The following CDH23 variants were observed in gnomAD, a reference collection of about 807,000 sequenced individuals.
The protein encoded by CDH23 is cadherin related 23.
In CDH23, 189 loss-of-function variants were observed where a neutral mutation model predicts 317.1. The ratio of observed to expected loss-of-function variants is 0.60; its 90% CI spans 0.53 to 0.67. The LOEUF (loss-of-function observed/expected upper bound fraction) is 0.67, where lower values mean the gene tolerates loss of function less well. Ranked by LOEUF, CDH23 falls within the 30% of genes least tolerant of loss-of-function variation. The probability of loss-of-function intolerance (pLI) is 0.00; values close to 1 mark genes in which losing one functional copy is unlikely to be tolerated. For missense variants in CDH23, 4,401 were observed against 4,592.4 expected (o/e 0.96, Z 1.20); for synonymous variants, 1,839 against 1,876.8 (o/e 0.98, Z 0.52).
At chr10:71,558,820 C>T (rs1347888371) in intron 6 of CDH23, among the ~76,000 whole-genome samples, 1 of 152,150 alleles carries the variant, frequency 6.6e-6, no homozygotes, top group African/African-American at 2.4e-5. Flanking sequence ...ACCAGTTTTC[C>T]TTTTTACTGC....
chr10:71,433,896 C>T (rs1221822785), intron 1 of CDH23, among the ~76,000 whole-genome samples: 3 of 151,400 alleles, frequency 2.0e-5, no homozygotes, highest in South Asian at 2.1e-4. Flanking sequence ...GCCACTCCCA[C>T]CCATGCCCCC....
At chr10:71,456,789 T>A (rs1244137743) in intron 3 of CDH23, among the ~76,000 whole-genome samples, 1 of 152,142 alleles carries the variant, frequency 6.6e-6, no homozygotes, top group Non-Finnish European at 1.5e-5. Flanking sequence ...AAAAAGTGAG[T>A]CTTATAACCC....
intron 7 of CDH23, among the ~76,000 whole-genome samples, chr10:71,569,169 C>T (rs1380939148): frequency 1.3e-5 from 2 of 152,210 alleles, no homozygotes; most frequent in Non-Finnish European, 2.9e-5. Flanking sequence ...CTGCCGAGAA[C>T]CTCTCTGCTC....
At chr10:71,615,424 A>G (rs1169490435) in intron 9 of CDH23, 80 bp from the exon 10 acceptor site, 3 of 856,760 alleles carry the variant, frequency 3.5e-6, no homozygotes, top group Non-Finnish European at 5.8e-6. Flanking sequence ...CCCTGGCCCC[A>G]GCTCCATGCC....
At chr10:71,777,975 G>A in intron 39 of CDH23, 74 bp downstream of exon 39, 1 of 1,522,412 alleles carries the variant, frequency 6.6e-7, no homozygotes, top group Non-Finnish European at 9.0e-7. Flanking sequence ...CAGTGACACT[G>A]GAGGGGGATG....
At chr10:71,646,692 T>A in intron 14 of CDH23, 75 bp downstream of exon 14, 1 of 1,613,564 alleles carries the variant, frequency 6.2e-7, no homozygotes, top group Non-Finnish European at 8.5e-7. Context: ...AGGGATTTTG[T>A]CCAAGGGACC....
At chr10:71,409,247 T>A (rs935659031) in intron 1 of CDH23, among the ~76,000 whole-genome samples, 1 of 152,136 alleles carries the variant, frequency 6.6e-6, no homozygotes, top group South Asian at 2.1e-4. Flanking sequence ...GGGTCCGTCA[T>A]GAAGCTCTGG....
chr10:71,674,550 G>T (rs1305456635), intron 14 of CDH23, among the ~76,000 whole-genome samples: 2 of 152,182 alleles, frequency 1.3e-5, no homozygotes, highest in African/African-American at 4.8e-5. Flanking sequence ...CCTCTGCATG[G>T]ATTATTTACT....
chr10:71,785,239 G>T, intron 43 of CDH23, 139 bp downstream of exon 43: 1 of 669,984 alleles, frequency 1.5e-6, no homozygotes, highest in Non-Finnish European at 2.5e-6. Flanking sequence ...CACCTCTGTG[G>T]GAAGCATGGA....
rs758050912 is a variant in CDH23, at chr10:71,740,876, G to T, written c.4543G>T (p.Val1515Leu). The T allele has an allele frequency of 1.2e-6, 2 of 1,613,906 alleles. No homozygotes were observed. The highest frequency in any genetic ancestry group is 2.2e-5 in the South Asian group (2 of 91,086). The change falls in exon 37 of 70, where the codon GTG becomes TTG. Residue 1515 changes from valine (V) to leucine (L), a missense_variant. Physicochemically the swap from Val to Leu is conservative, Grantham distance 32. Coordinates refer to ENST00000224721, the MANE Select transcript of CDH23 (RefSeq NM_022124.6). ...PPRKKDHILQ[V>L]TILDINDNPP... ...ACGGAAGAAGGACCACATCCTGCAG[G>T]TGACCATCCTGGACATCAATGACAA...
rs1329800609 is a variant in CDH23 at position 71,570,833 on chromosome 10, C to T, written c.668C>T (p.Ala223Val). Residue 223 changes from alanine (A) to valine (V), a missense_variant, in exon 8 of 70, where the codon GCC (alanine) becomes GTC (valine). Around this residue, in one of 3 missense-constraint regions of CDH23, gnomAD observed 3,068 missense variants for 3,203.3 expected, o/e 0.96. Coordinates refer to ENST00000224721, the MANE Select transcript of CDH23 (RefSeq NM_022124.6). ...CCTCTGTCCACCCTGGCCAACTTGG[C>T]CATCATCATCACAGATGTCCAGGAC... ...TRPLSTLANLAIIITDVQDMD... is the reference protein window; with the variant it reads ...TRPLSTLANLVIIITDVQDMD... 6.8e-6 allele frequency: 11 copies of T among 1,613,796 alleles called. No homozygotes were observed. The highest frequency in any genetic ancestry group is 2.2e-5 in the East Asian group (1 of 44,900).
chr10:71,806,941 GGTT>G (rs976671115), intron 57 of CDH23, among the ~76,000 whole-genome samples: 5 of 152,216 alleles, frequency 3.3e-5, no homozygotes, highest in Non-Finnish European at 5.9e-5. Context: ...ACTCTGACAT[GGTT>G]GTTTTTTCTT....
Position 71,806,098 on chromosome 10 carries a change from G to A in CDH23, c.8065-70G>A, listed in dbSNP as rs1418449966. On this transcript the variant is annotated intron_variant, in intron 56 of 69. Transcript: ENST00000224721. ...TCCTGGAAAGTCCCTAGGGGAACTG[G>A]CCACCGGGAAGTCCCCAAGCCAATC... 1.5e-5 allele frequency: 23 copies of A among 1,528,886 alleles called. No individual in the cohort carries two copies. In the East Asian group the frequency reaches 2.2e-4, roughly 15 times the overall value. The allele number at this position is 1,528,886 out of a possible 1,614,324, so 94.7% of individuals were successfully genotyped here.
rs886047121 is a variant in CDH23, at chr10:71,396,971, C to G, written c.-353C>G. ...GCTCGGGAGAGAGGGACGCGGGCTG[C>G]AGGCGCGATGCTTGGCTAGAGGACG... On this transcript the variant is annotated 5_prime_UTR_variant, in exon 1 of 70. Transcript: ENST00000224721. This position sits in a 1 kb window ranked among gnomAD's most constrained non-coding sequence, Gnocchi z 4.2. 30 of 152,532 alleles carry G rather than the reference C, an allele frequency of 2.0e-4. No individual in the cohort carries two copies. Among genetic ancestry groups the G allele is most frequent in the Non-Finnish European group, 3.6e-4 (25 of 68,700 alleles). The allele number at this position is 152,532 out of a possible 1,614,324, so 9.4% of individuals were successfully genotyped here.
intron 3 of CDH23, among the ~76,000 whole-genome samples, chr10:71,498,471 A>G (rs1045262423): frequency 5.3e-5 from 8 of 152,206 alleles, no homozygotes; most frequent in Admixed American, 4.6e-4. Flanking sequence ...GGCCAGGAGA[A>G]GTGTGCAGTG....
At chr10:71,706,862 C>T (rs375660714) in intron 25 of CDH23, 35 bp from the exon 26 acceptor site, 54 of 1,559,866 alleles carry the variant, frequency 3.5e-5, no homozygotes, top group Non-Finnish European at 4.3e-5. Flanking sequence ...GCGGCAGAAG[C>T]CAGGCCTAGC....
intron 30 of CDH23, 113 bp downstream of exon 30, chr10:71,725,633 G>T: frequency 8.0e-7 from 1 of 1,245,726 alleles, no homozygotes; most frequent in South Asian, 1.5e-5. Flanking sequence ...CACTGATTTA[G>T]GTGCTGAATG....
At chr10:71,494,775 C>G (rs887139128) in intron 3 of CDH23, among the ~76,000 whole-genome samples, 3 of 152,194 alleles carry the variant, frequency 2.0e-5, no homozygotes, top group African/African-American at 7.2e-5. Context: ...CTAGTTTCCA[C>G]CCTGTCTAGC....
intron 22 of CDH23, 57 bp from the exon 23 acceptor site, chr10:71,701,965 C>T: frequency 6.3e-7 from 1 of 1,579,896 alleles, no homozygotes; most frequent in Non-Finnish European, 8.7e-7. Flanking sequence ...CCCGGCCAGC[C>T]CAGAGACACC....
Sources: allele counts gnomAD v4.1 joint callset (sites outside exome capture counted in the v4.1 genomes callset), GRCh38; gene constraint gnomAD v4.1.1; regional missense constraint gnomAD v4.1.1; non-coding constraint Gnocchi (gnomAD v3.1); transcripts MANE v1.5; gene names NCBI Gene and HGNC (gene_info 2026-07-23, HGNC 2026-07-21).